Variants in UBAC2 observed in about 807,000 individuals in gnomAD.
UBAC2 encodes ubiquitin-associated domain-containing protein 2.
UBAC2 carries 26 observed loss-of-function variants against 44.0 expected under a neutral mutation model. The observed-to-expected ratio is 0.59, with a 90% CI of 0.43 to 0.82. The LOEUF (loss-of-function observed/expected upper bound fraction) is 0.82. Ranked by LOEUF, UBAC2 falls within the 40% of genes least tolerant of loss-of-function variation. The pLI is 0.00. For missense variants in UBAC2, 329 were observed against 419.4 expected, an observed-to-expected ratio of 0.78 and a Z score of 1.88; for synonymous variants, 155 against 154.3, an observed-to-expected ratio of 1.00 and a Z score of -0.04.
chr13:99,324,117 C>CA (rs1169678607), intron 6 of UBAC2, among the ~76,000 whole-genome samples: 7 of 152,188 alleles, frequency 4.6e-5, no homozygotes, highest in Admixed American at 1.3e-4. Context: ...TATGATTGTG[C>CA]AAACAAGTAT....
At chr13:99,203,225 G>T (rs1233027921) in intron 1 of UBAC2, among the ~76,000 whole-genome samples, 1 of 151,938 alleles carries the variant, frequency 6.6e-6, no homozygotes, top group Non-Finnish European at 1.5e-5. Context: ...TAGTAGAGAC[G>T]GGGTTTTGCC....
At chr13:99,324,063 A>G (rs960994639) in intron 6 of UBAC2, among the ~76,000 whole-genome samples, 1 of 152,162 alleles carries the variant, frequency 6.6e-6, no homozygotes, top group Admixed American at 6.5e-5. Context: ...CATACACTCC[A>G]ACTACACACA....
chr13:99,279,291 G>A (rs1198991506), intron 4 of UBAC2, among the ~76,000 whole-genome samples: 1 of 152,098 alleles, frequency 6.6e-6, no homozygotes, highest in Non-Finnish European at 1.5e-5. Flanking sequence ...GAGCAAAGTT[G>A]ACTAATAAAA....
chr13:99,259,319 G>A (rs2043621500), intron 4 of UBAC2, among the ~76,000 whole-genome samples: 1 of 147,428 alleles, frequency 6.8e-6, no homozygotes, highest in Non-Finnish European at 1.5e-5. Context: ...TTGTTTTTTT[G>A]AATTTTAGAC....
intron 8 of UBAC2, among the ~76,000 whole-genome samples, chr13:99,381,517 G>A (rs1358250596): frequency 6.6e-6 from 1 of 152,210 alleles, no homozygotes; most frequent in Non-Finnish European, 1.5e-5. Flanking sequence ...GTCATTAAGA[G>A]TGGCCAAGTT....
At chr13:99,320,038 T>C (rs2044547843) in intron 6 of UBAC2, among the ~76,000 whole-genome samples, 2 of 152,240 alleles carry the variant, frequency 1.3e-5, no homozygotes, top group South Asian at 4.1e-4. Flanking sequence ...TTAGTTACTA[T>C]TAATTCTTTT....
At chr13:99,262,238 TAA>T (rs2043673539) in intron 4 of UBAC2, among the ~76,000 whole-genome samples, 1 of 152,230 alleles carries the variant, frequency 6.6e-6, no homozygotes, top group Non-Finnish European at 1.5e-5. Context: ...GCCTAATGTA[TAA>T]GTTAAACTTT....
At chr13:99,225,884 C>G (rs781096249) in intron 1 of UBAC2, among the ~76,000 whole-genome samples, 1 of 152,066 alleles carries the variant, frequency 6.6e-6, no homozygotes, top group African/African-American at 2.4e-5. Context: ...TATTTGGCAG[C>G]GTTTATTTTT....
intron 8 of UBAC2, among the ~76,000 whole-genome samples, chr13:99,383,923 C>T (rs2045584925): frequency 2.0e-5 from 3 of 152,248 alleles, no homozygotes; most frequent in African/African-American, 7.2e-5. Flanking sequence ...GCACCTTCTT[C>T]CTCACCTTGC....
intron 4 of UBAC2, chr13:99,294,797 G>A (rs1341075017): frequency 6.8e-6 from 2 of 294,900 alleles, no homozygotes; most frequent in Non-Finnish European, 1.2e-5. Context: ...TTTTTACATT[G>A]GGAGTTATTA....
chr13:99,288,968 T>C (rs1157226075), intron 4 of UBAC2, among the ~76,000 whole-genome samples: 1 of 152,254 alleles, frequency 6.6e-6, no homozygotes, highest in Non-Finnish European at 1.5e-5. Flanking sequence ...ATGGAGTTTA[T>C]GTTTCATTTG....
At chr13:99,307,803 A>T (rs1482824405) in intron 4 of UBAC2, 1 of 152,210 alleles carries the variant, frequency 6.6e-6, no homozygotes, top group Non-Finnish European at 1.5e-5. Flanking sequence ...GTCAACTTTG[A>T]CAGTGCTTTT....
At chr13:99,222,089 C>G (rs1476461637) in intron 1 of UBAC2, among the ~76,000 whole-genome samples, 1 of 152,134 alleles carries the variant, frequency 6.6e-6, no homozygotes, top group African/African-American at 2.4e-5. Flanking sequence ...CAACTGTGTG[C>G]TAAGTGGTGG....
chr13:99,339,533 T>C (rs1254844043), intron 6 of UBAC2, among the ~76,000 whole-genome samples: 1 of 152,242 alleles, frequency 6.6e-6, no homozygotes, highest in African/African-American at 2.4e-5. Context: ...AATTCATCAA[T>C]TTAAATTTTA....
chr13:99,327,602 G>T (rs985212100), intron 6 of UBAC2, among the ~76,000 whole-genome samples: 3 of 151,998 alleles, frequency 2.0e-5, no homozygotes, highest in East Asian at 3.8e-4. Flanking sequence ...AAATTAACAT[G>T]TCGTTTTGAA....
At chr13:99,212,431 A>C (rs2042946065) in intron 1 of UBAC2, among the ~76,000 whole-genome samples, 2 of 152,156 alleles carry the variant, frequency 1.3e-5, no homozygotes, top group African/African-American at 4.8e-5. Flanking sequence ...TGTTTCAGTC[A>C]TTTCCCAGAA....
chr13:99,329,423 A>G (rs1319088547), intron 6 of UBAC2, among the ~76,000 whole-genome samples: 1 of 152,256 alleles, frequency 6.6e-6, no homozygotes, highest in Non-Finnish European at 1.5e-5. Flanking sequence ...ATGTTTCCAC[A>G]GATTCTTTTA....
In UBAC2 at chr13:99,228,493, G is replaced by C. The variant is rs140290146; in HGVS notation, c.32-9934G>C. Among the ~76,000 whole-genome samples, 1,252 of 152,010 alleles carry C rather than the reference G, an allele frequency of 8.2e-3. 14 individuals carry two copies. Among genetic ancestry groups the C allele is most frequent in the African/African-American group, 0.028 (1,174 of 41,460 alleles). ...ATTTTTAGTAGTGACGGGGCTTCAC[G>C]ATGTTGGCCAGGCTAGTCTCAAACT... On this transcript the variant is annotated intron_variant, in intron 1 of 8. Transcript: ENST00000403766.
At chr13:99,253,672 C>G (rs1485466449) in intron 4 of UBAC2, among the ~76,000 whole-genome samples, 1 of 152,122 alleles carries the variant, frequency 6.6e-6, no homozygotes, top group African/African-American at 2.4e-5. Context: ...TGCCATCATG[C>G]CTGGCTAATT....
Sources: gnomAD v4.1 joint callset for allele counts (sites outside exome capture counted in the v4.1 genomes callset) on GRCh38, gnomAD v4.1.1 for gene constraint, MANE v1.5 for transcripts, NCBI Gene and HGNC (gene_info 2026-07-23, HGNC 2026-07-21) for gene names.